MMS22L: variants seen among roughly 807,000 people sequenced by gnomAD.
MMS22L encodes protein MMS22-like.
Under a neutral mutation model 159.1 loss-of-function variants are expected in MMS22L, and 74 were observed. The ratio of observed to expected loss-of-function variants is 0.47; its 90% CI spans 0.39 to 0.56. The LOEUF is 0.56. Ranked by LOEUF, MMS22L falls within the 20% of genes least tolerant of loss-of-function variation. MMS22L has a pLI of 0.00. For missense variants in MMS22L, 1,351 were observed against 1,422.1 expected (o/e 0.95, Z 0.80); for synonymous variants, 517 against 506.9 (o/e 1.02, Z -0.27).
intron 14 of MMS22L, among the ~76,000 whole-genome samples, chr6:97,194,576 G>T (rs1806275129): frequency 6.6e-6 from 1 of 151,992 alleles, no homozygotes; most frequent in African/African-American, 2.4e-5. Context: ...TATTGAATAG[G>T]CCTTATTTAA....
At chr6:97,169,395 GCA>G (rs1413953773) in intron 19 of MMS22L, among the ~76,000 whole-genome samples, 3 of 152,040 alleles carry the variant, frequency 2.0e-5, no homozygotes, top group African/African-American at 7.2e-5. Context: ...TATCCAAAAA[GCA>G]CAGTGGTACA....
intron 20 of MMS22L, 127 bp from the exon 21 acceptor site, chr6:97,165,584 C>T: frequency 1.3e-6 from 1 of 763,762 alleles, no homozygotes; most frequent in East Asian, 2.7e-5. Context: ...AAAAGGATAC[C>T]TCACGTAATC....
rs543210754 is a variant in MMS22L, at chr6:97,208,644, C to T, written c.2039+20250G>A. ...GAAATCAAGGAGCATTTCAAGCAGA[C>T]GGATTAAGGGAAAGAAACAGGTAAG... On this transcript the variant is annotated intron_variant, in intron 14 of 24. Coordinates refer to ENST00000683635, the MANE Select transcript of MMS22L (RefSeq NM_001350599.2). 6.5e-4 allele frequency among the ~76,000 whole-genome samples: 99 copies of T among 151,978 alleles called. 1 individual carries two copies. Among genetic ancestry groups the T allele is most frequent in the Non-Finnish European group, 5.0e-4 (34 of 67,940 alleles).
Position 97,228,881 on chromosome 6 carries a change from C to T in MMS22L, c.2039+13G>A. The T allele has an allele frequency of 6.3e-7, 1 of 1,592,410 alleles. No individual in the cohort carries two copies. The highest frequency in any genetic ancestry group is 8.5e-7 in the Non-Finnish European group (1 of 1,170,412). On this transcript the variant is annotated intron_variant, in intron 14 of 24. Coordinates refer to ENST00000683635, the MANE Select transcript of MMS22L (RefSeq NM_001350599.2). ...AAACAAATCATAAATTAGCATACAA[C>T]TGAAAACCATACCTGATTCTGGCCA...
chr6:97,254,268 G>A (rs1274915832), intron 10 of MMS22L: 1 of 212,888 alleles, frequency 4.7e-6, no homozygotes, highest in African/African-American at 2.3e-5. Flanking sequence ...TTTGTTAACG[G>A]AAGACAAAGC....
chr6:97,155,217 CT>C (rs1466434357), intron 22 of MMS22L, among the ~76,000 whole-genome samples: 3 of 152,038 alleles, frequency 2.0e-5, no homozygotes, highest in Non-Finnish European at 4.4e-5. Context: ...AGCAATTTTA[CT>C]TTTTGTTTTC....
intron 9 of MMS22L, chr6:97,259,603 T>C (rs936641227): frequency 5.3e-5 from 8 of 152,108 alleles, no homozygotes; most frequent in African/African-American, 1.7e-4. Context: ...CTGGAAACTA[T>C]ACCATCAGCT....
At chr6:97,189,615 T>TA (rs918980755) in intron 14 of MMS22L, among the ~76,000 whole-genome samples, 5 of 80,846 alleles carry the variant, frequency 6.2e-5, no homozygotes, top group African/African-American at 1.9e-4. Context: ...CATTGTGAGG[T>TA]AAAAAATTTT....
chr6:97,212,765 A>G (rs928299948), intron 14 of MMS22L, among the ~76,000 whole-genome samples: 2 of 152,176 alleles, frequency 1.3e-5, no homozygotes, highest in Non-Finnish European at 2.9e-5. Context: ...AGACTATTCT[A>G]TGTATGATTC....
intron 22 of MMS22L, among the ~76,000 whole-genome samples, chr6:97,156,910 T>C (rs1361784809): frequency 6.6e-6 from 1 of 151,924 alleles, no homozygotes; most frequent in Admixed American, 6.6e-5. Context: ...CTTTGGGGAG[T>C]ATGGCCATTT....
intron 14 of MMS22L, among the ~76,000 whole-genome samples, chr6:97,226,001 G>A (rs1393044011): frequency 6.6e-6 from 1 of 151,932 alleles, no homozygotes; most frequent in East Asian, 1.9e-4. Context: ...TATGAAATTT[G>A]GTAACATCTA....
chr6:97,238,697 T>C (rs1811713965), intron 11 of MMS22L, among the ~76,000 whole-genome samples: 1 of 149,828 alleles, frequency 6.7e-6, no homozygotes, highest in Non-Finnish European at 1.5e-5. Context: ...ATCTCTGCTT[T>C]AGTCCTTTTC....
chr6:97,186,624 T>C lies in MMS22L; in HGVS notation c.2106A>G (p.Ser702=), dbSNP rs1271072195. Residue 702 remains serine (S), a synonymous_variant, in exon 15 of 25, where the codon TCA becomes TCG. Coordinates refer to ENST00000683635, the MANE Select transcript of MMS22L (RefSeq NM_001350599.2). The part of the protein sequence containing the change: ...RDNVDLFVQS[S]LSAKERHLAA... ...CAAGGTGGCGCTCTTTAGCCGATAATGAAGACTGTACAAATAGGTCCACAT... is the reference window on the plus strand; with the variant it reads ...CAAGGTGGCGCTCTTTAGCCGATAACGAAGACTGTACAAATAGGTCCACAT... 21 of 1,611,622 alleles carry C rather than the reference T, an allele frequency of 1.3e-5. No individual in the cohort carries two copies. The highest frequency in any genetic ancestry group is 1.6e-5 in the Non-Finnish European group (19 of 1,179,034).
intron 14 of MMS22L, among the ~76,000 whole-genome samples, chr6:97,207,843 A>G (rs1168346706): frequency 2.0e-5 from 3 of 152,176 alleles, no homozygotes; most frequent in Non-Finnish European, 4.4e-5. Flanking sequence ...AAATCATTGA[A>G]AATTTCCAAC....
chr6:97,194,814 T>A (rs569427570), intron 14 of MMS22L, among the ~76,000 whole-genome samples: 1 of 151,524 alleles, frequency 6.6e-6, no homozygotes, highest in East Asian at 2.0e-4. Context: ...AGGTAAGGAG[T>A]GTTTAGGTGA....
At chr6:97,181,807 A>C in intron 16 of MMS22L, 97 bp downstream of exon 16, 7 of 1,288,758 alleles carry the variant, frequency 5.4e-6, no homozygotes, top group Non-Finnish European at 7.4e-6. Flanking sequence ...TATATGTAGT[A>C]GAGATCAGTC....
chr6:97,195,902 G>T (rs565301568), intron 14 of MMS22L, among the ~76,000 whole-genome samples: 1 of 152,112 alleles, frequency 6.6e-6, no homozygotes, highest in Non-Finnish European at 1.5e-5. Flanking sequence ...TAATTATTTC[G>T]CATTTTGTGA....
At position 97,255,889 on chromosome 6, in the gene MMS22L, CTTTT is replaced by C. The variant is rs368486574; in HGVS notation, c.943-1160_943-1157del. Among the ~76,000 whole-genome samples, 39 of 152,120 alleles carry C rather than the reference CTTTT, an allele frequency of 2.6e-4. 2 individuals are homozygous for C. Among genetic ancestry groups the C allele is most frequent in the African/African-American group, 8.7e-4 (36 of 41,546 alleles). ...TTCATCACTATAAAACAACTTAATG[CTTTT>C]TTGTTTTAAAGTCAAAATTTTTCCA... On this transcript the variant is annotated intron_variant, in intron 9 of 24. Transcript: ENST00000683635.
chr6:97,233,951 C>A lies in MMS22L; in HGVS notation c.1212G>T (p.Met404Ile), dbSNP rs868367051. Residue 404 changes from methionine to isoleucine, a missense_variant, in exon 12 of 25, where the codon ATG becomes ATT. Coordinates refer to ENST00000683635, the MANE Select transcript of MMS22L (RefSeq NM_001350599.2). ...AAAGTGTCAAACAACAGTGAAGATACATTCGTAATTGTTCTTCTAGAATGA... is the reference window on the plus strand; with the variant it reads ...AAAGTGTCAAACAACAGTGAAGATAAATTCGTAATTGTTCTTCTAGAATGA... ...QGVILEEQLRMYLHCCLTLCD... is the reference protein window; with the variant it reads ...QGVILEEQLRIYLHCCLTLCD... 5.0e-6 allele frequency: 8 copies of A among 1,609,566 alleles called. No individual in the cohort carries two copies. Among genetic ancestry groups the A allele is most frequent in the Non-Finnish European group, 6.8e-6 (8 of 1,178,190 alleles).
Sources: allele counts gnomAD v4.1 joint callset (sites outside exome capture counted in the v4.1 genomes callset), GRCh38; gene constraint gnomAD v4.1.1; transcripts MANE v1.5; gene names NCBI Gene and HGNC (gene_info 2026-07-23, HGNC 2026-07-21).